Variants in DCDC1 observed in about 807,000 individuals in gnomAD.
DCDC1 encodes doublecortin domain-containing protein 1.
In DCDC1, 200 loss-of-function variants were observed where a neutral mutation model predicts 178.3. That is an observed-to-expected ratio of 1.12 (90% CI 1.00 to 1.26). The LOEUF (loss-of-function observed/expected upper bound fraction) is 1.26, where lower values mean the gene tolerates loss of function less well. Ranked by LOEUF, DCDC1 falls within the 50% of genes most tolerant of loss-of-function variation. The pLI is 0.00. For synonymous variants in DCDC1, 690 were observed against 604.8 expected (o/e 1.14, Z -2.07); for missense variants, 1,983 against 1,749.2 (o/e 1.13, Z -2.38).
At chr11:30,980,089 G>T (rs1263927448) in intron 20 of DCDC1, among the ~76,000 whole-genome samples, 1 of 152,148 alleles carries the variant, frequency 6.6e-6, no homozygotes, top group Non-Finnish European at 1.5e-5. Flanking sequence ...ATAAGAAATG[G>T]TATCTATTTC....
rs577368093 is a variant in DCDC1, at chr11:31,331,808, A to G, written c.-6-3522T>C. Among the ~76,000 whole-genome samples the G allele has an allele frequency of 1.1e-3, 165 of 151,404 alleles. 1 individual carries two copies. The highest frequency in any genetic ancestry group is 1.3e-3 in the Non-Finnish European group (90 of 67,946). Reference sequence around the variant, plus strand: ...TATTTTATTGAGGATTTTCGCATCAATGTTCATCAGGGATACTGGTCTAAA... The same window carrying G: ...TATTTTATTGAGGATTTTCGCATCAGTGTTCATCAGGGATACTGGTCTAAA... On this transcript the variant is annotated intron_variant, in intron 2 of 38. Transcript: ENST00000684477.
At chr11:31,323,170 A>G (rs1310161746) in intron 3 of DCDC1, among the ~76,000 whole-genome samples, 1 of 152,272 alleles carries the variant, frequency 6.6e-6, no homozygotes, top group South Asian at 2.1e-4. Flanking sequence ...TTAGATTTCT[A>G]TGGCATAAAT....
Position 31,106,974 on chromosome 11 carries a change from A to G in DCDC1, c.1588-14T>C. Reference sequence around the variant, plus strand: ...CTTGAGAAGTAACTGGTTGGGGGTTAGAGGGGCAGAGGGGATAGAGGAGAA... The same window carrying G: ...CTTGAGAAGTAACTGGTTGGGGGTTGGAGGGGCAGAGGGGATAGAGGAGAA... On this transcript the variant is annotated splice_polypyrimidine_tract_variant and intron_variant, in intron 12 of 38. Transcript: ENST00000684477. The G allele has an allele frequency of 3.9e-6, 3 of 760,862 alleles. No individual in the cohort carries two copies. Among genetic ancestry groups the G allele is most frequent in the Non-Finnish European group, 7.2e-6 (3 of 416,034 alleles). The allele number at this position is 760,862 out of a possible 1,614,324, so 47.1% of individuals were successfully genotyped here.
intron 36 of DCDC1, among the ~76,000 whole-genome samples, chr11:30,887,183 G>A (rs549293632): frequency 6.6e-6 from 1 of 152,222 alleles, no homozygotes; most frequent in South Asian, 2.1e-4. Flanking sequence ...GGAAGAAATA[G>A]ACTAAGCTCT....
intron 38 of DCDC1, among the ~76,000 whole-genome samples, chr11:30,878,207 C>G (rs761618504): frequency 6.6e-6 from 1 of 152,022 alleles, no homozygotes; most frequent in African/African-American, 2.4e-5. Flanking sequence ...AATCCCAGCA[C>G]TTTGTGATGT....
chr11:30,863,802 T>C lies in DCDC1; in HGVS notation c.*1571A>G, dbSNP rs2133886494. The C allele has an allele frequency of 6.6e-6, 1 of 152,342 alleles. No individual in the cohort carries two copies. Among genetic ancestry groups the C allele is most frequent in the Admixed American group, 6.5e-5 (1 of 15,300 alleles). 9.4% of individuals were successfully genotyped at this position (152,342 alleles called of 1,614,324 possible). On this transcript the variant is annotated 3_prime_UTR_variant, in exon 39 of 39. Coordinates refer to ENST00000684477, the MANE Select transcript of DCDC1 (RefSeq NM_001387274.1). ...TATCAGAACTTCTTTATTTGGAAAGTTCTGTGACAAACATCCACAGTTCTG... is the reference window on the plus strand; with the variant it reads ...TATCAGAACTTCTTTATTTGGAAAGCTCTGTGACAAACATCCACAGTTCTG...
intron 9 of DCDC1, among the ~76,000 whole-genome samples, chr11:31,175,333 G>A (rs208083): frequency 0.3 from 45,708 of 152,042 alleles, 8,309 homozygotes; most frequent in East Asian, 0.63. Context: ...TAACCCTGAT[G>A]GCTCAAAGCC....
At chr11:30,905,572 G>A (rs942287315) in intron 30 of DCDC1, among the ~76,000 whole-genome samples, 2 of 152,156 alleles carry the variant, frequency 1.3e-5, no homozygotes, top group Non-Finnish European at 2.9e-5. Flanking sequence ...ATGGGGAGGG[G>A]AATGGTTGTA....
At chr11:31,353,358 C>T (rs894101077) in intron 1 of DCDC1, among the ~76,000 whole-genome samples, 1 of 152,198 alleles carries the variant, frequency 6.6e-6, no homozygotes, top group African/African-American at 2.4e-5. Flanking sequence ...GAATCTAATG[C>T]TTTATCTTAA....
intron 20 of DCDC1, among the ~76,000 whole-genome samples, chr11:31,035,106 A>G (rs1183124366): frequency 1.3e-5 from 2 of 152,188 alleles, no homozygotes; most frequent in Admixed American, 1.3e-4. Flanking sequence ...TTTTAAAAGA[A>G]TTCCTTTTAT....
At chr11:31,217,168 G>A (rs572143855) in intron 9 of DCDC1, among the ~76,000 whole-genome samples, 2 of 152,240 alleles carry the variant, frequency 1.3e-5, no homozygotes, top group Admixed American at 6.5e-5. Context: ...ACATTTCACA[G>A]AAGTGTCAAA....
chr11:31,323,672 G>A (rs543589966), intron 3 of DCDC1, among the ~76,000 whole-genome samples: 1 of 151,336 alleles, frequency 6.6e-6, no homozygotes, highest in Non-Finnish European at 1.5e-5. Context: ...TTAAGCTCTT[G>A]AATTGAAATA....
chr11:31,051,396 A>G (rs915611983), intron 20 of DCDC1, among the ~76,000 whole-genome samples: 2 of 152,358 alleles, frequency 1.3e-5, no homozygotes, highest in Non-Finnish European at 2.9e-5. Context: ...CCTGGAAAAC[A>G]TATTTGGGGG....
chr11:31,300,377 A>G (rs1394604836), intron 6 of DCDC1, among the ~76,000 whole-genome samples: 3 of 152,192 alleles, frequency 2.0e-5, no homozygotes, highest in Non-Finnish European at 4.4e-5. Flanking sequence ...AGTTATGTTT[A>G]TAAGATGGTA....
At chr11:30,975,987 A>G (rs1950079313) in intron 20 of DCDC1, among the ~76,000 whole-genome samples, 2 of 152,096 alleles carry the variant, frequency 1.3e-5, no homozygotes, top group Admixed American at 6.5e-5. Context: ...GACAAAAATA[A>G]CATGGAATTG....
chr11:31,147,522 G>A (rs1964573410), intron 9 of DCDC1, among the ~76,000 whole-genome samples: 1 of 152,122 alleles, frequency 6.6e-6, no homozygotes, highest in African/African-American at 2.4e-5. Context: ...AAAGCACACT[G>A]ATAATTTAAA....
At chr11:30,982,981 T>A (rs1435818568) in intron 20 of DCDC1, among the ~76,000 whole-genome samples, 2 of 152,170 alleles carry the variant, frequency 1.3e-5, no homozygotes, top group Non-Finnish European at 2.9e-5. Flanking sequence ...ATCATCCGGA[T>A]CATCAAAGAC....
At chr11:30,989,732 A>C (rs980568028) in intron 20 of DCDC1, among the ~76,000 whole-genome samples, 13 of 152,176 alleles carry the variant, frequency 8.5e-5, no homozygotes, top group Non-Finnish European at 1.8e-4. Context: ...AATAATATAT[A>C]ATATTGTGCA....
intron 20 of DCDC1, chr11:30,992,640 G>A (rs1951052870): frequency 1.3e-5 from 2 of 152,114 alleles, no homozygotes; most frequent in South Asian, 4.1e-4. Flanking sequence ...AAGGTATACT[G>A]TAAAGATACA....
Sources: gnomAD v4.1 joint callset for allele counts (sites outside exome capture counted in the v4.1 genomes callset) on GRCh38, gnomAD v4.1.1 for gene constraint, MANE v1.5 for transcripts, NCBI Gene and HGNC (gene_info 2026-07-23, HGNC 2026-07-21) for gene names.